Variants in KCNG1 observed in about 807,000 individuals in gnomAD.
KCNG1 encodes the protein voltage-gated potassium channel regulatory subunit KCNG1.
A neutral mutation model predicts 32.4 loss-of-function variants in KCNG1; 17 were observed. The observed-to-expected ratio is 0.52, with a 90% CI of 0.36 to 0.79. The LOEUF is 0.79. KCNG1 is among the 30% of genes least tolerant of loss of function. The pLI, the probability that KCNG1 is intolerant of heterozygous loss-of-function variation, is 0.00. For synonymous variants in KCNG1, 358 were observed against 339.9 expected (o/e 1.05, Z -0.59); for missense variants, 441 against 735.2 (o/e 0.60, Z 4.63).
At position 51,003,832 on chromosome 20, in the gene KCNG1, CT is replaced by C. The variant is rs1987709085; in HGVS notation, c.*206del. ...CTGATGACCCAGCTTCCTTTCACGGCTGCAGGCGGAGGGGCAGGGCCCCTCT... is the reference window on the plus strand; with the variant it reads ...CTGATGACCCAGCTTCCTTTCACGGCGCAGGCGGAGGGGCAGGGCCCCTCT... On this transcript the variant is annotated 3_prime_UTR_variant, in exon 3 of 3. Coordinates refer to ENST00000371571, the MANE Select transcript of KCNG1 (RefSeq NM_002237.4). The C allele has an allele frequency of 6.9e-6, 4 of 579,000 alleles. No homozygotes were observed. The highest frequency in any genetic ancestry group is 1.2e-5 in the Non-Finnish European group (4 of 332,366). 35.9% of individuals were successfully genotyped at this position (579,000 alleles called of 1,614,324 possible). A position where few individuals can be genotyped will look rare whatever the true frequency, so the allele number is the denominator to read the frequency against.
chr20:51,008,757 T>C (rs1987937858), intron 2 of KCNG1, among the ~76,000 whole-genome samples: 1 of 152,216 alleles, frequency 6.6e-6, no homozygotes, highest in Non-Finnish European at 1.5e-5. Flanking sequence ...CACATAGTCC[T>C]GTGGGGCTAT....
In KCNG1 at chr20:51,010,371, G is replaced by A; in HGVS notation, c.-26-7C>T. On this transcript the variant is annotated splice_region_variant and splice_polypyrimidine_tract_variant and intron_variant, in intron 1 of 2. Coordinates refer to ENST00000371571, the MANE Select transcript of KCNG1 (RefSeq NM_002237.4). Reference sequence around the variant, plus strand: ...CTTCACATCCCTCTCGGGCCTGTGGGGAGAAGGGAGGGAAGACCCTCAGTG... The same window carrying A: ...CTTCACATCCCTCTCGGGCCTGTGGAGAGAAGGGAGGGAAGACCCTCAGTG... 5 of 1,493,698 alleles carry A rather than the reference G, an allele frequency of 3.3e-6. No individual in the cohort carries two copies. Among genetic ancestry groups the A allele is most frequent in the Non-Finnish European group, 4.4e-6 (5 of 1,127,624 alleles). 92.5% of individuals were successfully genotyped at this position (1,493,698 alleles called of 1,614,324 possible).
chr20:51,014,677 CCTT>C (rs1367245483), intron 1 of KCNG1, among the ~76,000 whole-genome samples: 1 of 152,206 alleles, frequency 6.6e-6, no homozygotes, highest in Non-Finnish European at 1.5e-5. Flanking sequence ...ACGGAGGTGA[CCTT>C]CTGGTGGGGA....
At chr20:51,017,612 C>T (rs549715446) in intron 1 of KCNG1, among the ~76,000 whole-genome samples, 7 of 152,152 alleles carry the variant, frequency 4.6e-5, no homozygotes, top group Admixed American at 6.6e-5. Context: ...CTGAATTGCT[C>T]GGGGTGCTCG....
At position 51,015,633 on chromosome 20, in the gene KCNG1, G is replaced by A. The variant is rs1426885041; in HGVS notation, c.-26-5269C>T. On this transcript the variant is annotated intron_variant, in intron 1 of 2. Coordinates refer to ENST00000371571, the MANE Select transcript of KCNG1 (RefSeq NM_002237.4). This position sits in a 1 kb window ranked among gnomAD's most constrained non-coding sequence, Gnocchi z 4.4. ...ATCAGGCCAGAGTGGTCAGGGCAGG[G>A]CATATGGTAGGCAGAAAAATGTCCC... Among the ~76,000 whole-genome samples, 1 of 152,198 alleles carries A rather than the reference G, an allele frequency of 6.6e-6. No homozygotes were observed. The highest frequency in any genetic ancestry group is 1.5e-5 in the Non-Finnish European group (1 of 68,030).
chr20:51,004,919 G>T lies in KCNG1; in HGVS notation c.775-113C>A. 8.8e-7 allele frequency: 1 copy of T among 1,140,904 alleles called. No homozygotes were observed. Among genetic ancestry groups the T allele is most frequent in the Non-Finnish European group, 1.2e-6 (1 of 830,282 alleles). The allele number at this position is 1,140,904 out of a possible 1,614,324, so 70.7% of individuals were successfully genotyped here. ...TCCCAGGCGGAAGGTGACCTCTCCA[G>T]GTTGAGTGGCCCCGGGTCCTCTCCC... is the stretch of plus-strand genomic sequence containing the variant. On this transcript the variant is annotated intron_variant, in intron 2 of 2. Transcript: ENST00000371571. This position sits in a 1 kb window ranked among gnomAD's most constrained non-coding sequence, Gnocchi z 4.3.
chr20:51,017,272 T>C (rs1988313698), intron 1 of KCNG1, among the ~76,000 whole-genome samples: 2 of 152,156 alleles, frequency 1.3e-5, no homozygotes, highest in African/African-American at 4.8e-5. Flanking sequence ...TAGCAACACA[T>C]TTAGGTCTTA....
intron 1 of KCNG1, chr20:51,012,221 G>GCAAT: frequency 6.6e-6 from 1 of 152,370 alleles, no homozygotes; most frequent in East Asian, 1.9e-4. Context: ...CGTTTGCTCA[G>GCAAT]GGGTCAGCAA....
rs1233367211 is a variant in KCNG1 at position 51,005,905 on chromosome 20, T to C, written c.775-1099A>G. ...GTTAGAGGCTGGAGATATGAACTAATACCTGGTGGGGCTTTAAGGTCTTAG... is the reference window on the plus strand; with the variant it reads ...GTTAGAGGCTGGAGATATGAACTAACACCTGGTGGGGCTTTAAGGTCTTAG... On this transcript the variant is annotated intron_variant, in intron 2 of 2. Transcript: ENST00000371571. This position sits in a 1 kb window ranked among gnomAD's most constrained non-coding sequence, Gnocchi z 4.0. 2.0e-5 allele frequency: 3 copies of C among 152,244 alleles called. No individual in the cohort carries two copies. Among genetic ancestry groups the C allele is most frequent in the Non-Finnish European group, 4.4e-5 (3 of 68,056 alleles). 9.4% of individuals were successfully genotyped at this position (152,244 alleles called of 1,614,324 possible).
chr20:51,021,352 A>C (rs955063792), intron 1 of KCNG1, among the ~76,000 whole-genome samples: 27 of 152,196 alleles, frequency 1.8e-4, no homozygotes, highest in African/African-American at 6.5e-4. Context: ...GGGAGGCACA[A>C]ATAGAGCTCA....
intron 2 of KCNG1, among the ~76,000 whole-genome samples, chr20:51,008,643 A>ATTTT (rs10626097): frequency 6.6e-6 from 1 of 151,552 alleles, no homozygotes; most frequent in African/African-American, 2.4e-5. Flanking sequence ...TGATCTTATG[A>ATTTT]TTTTTTTTAA....
chr20:51,021,255 C>A (rs1988471248), intron 1 of KCNG1, among the ~76,000 whole-genome samples: 1 of 152,214 alleles, frequency 6.6e-6, no homozygotes, highest in Non-Finnish European at 1.5e-5. Flanking sequence ...GAGGGTGATC[C>A]CCAGGGGCCA....
At chr20:51,018,394 C>T (rs539463849) in intron 1 of KCNG1, among the ~76,000 whole-genome samples, 1 of 152,276 alleles carries the variant, frequency 6.6e-6, no homozygotes, top group African/African-American at 2.4e-5. Flanking sequence ...CCTCCTGTCC[C>T]CATGGCTACA....
Position 51,009,557 on chromosome 20 carries a change from G to T in KCNG1, c.774+8C>A. On this transcript the variant is annotated splice_region_variant and intron_variant, in intron 2 of 2. Transcript: ENST00000371571. ...TGGCGCGTTTCCCCGCGGGGCGTGG[G>T]CTCTTACCTGCTCCTCCTCCTCCCT... The T allele has an allele frequency of 1.3e-6, 2 of 1,591,592 alleles. No individual in the cohort carries two copies. Among genetic ancestry groups the T allele is most frequent in the South Asian group, 1.1e-5 (1 of 87,828 alleles).
intron 1 of KCNG1, among the ~76,000 whole-genome samples, chr20:51,018,959 G>A (rs1224194827): frequency 5.3e-5 from 8 of 152,160 alleles, no homozygotes; most frequent in African/African-American, 9.7e-5. Flanking sequence ...ATTTTGGAAT[G>A]TTTCTGAGGA....
intron 1 of KCNG1, among the ~76,000 whole-genome samples, chr20:51,020,779 G>A (rs982953712): frequency 6.6e-6 from 1 of 152,168 alleles, no homozygotes; most frequent in Non-Finnish European, 1.5e-5. Context: ...CAGGAGGTGA[G>A]TTCCTCGGAG....
At chr20:51,008,966 C>T (rs887250094) in intron 2 of KCNG1, among the ~76,000 whole-genome samples, 105 of 152,320 alleles carry the variant, frequency 6.9e-4, no homozygotes, top group African/African-American at 2.4e-3. Flanking sequence ...CGTGAACTCC[C>T]AGATGAGTGG....
Position 51,004,975 on chromosome 20 carries a change from T to A in KCNG1, c.775-169A>T. ...GTGCCCACTCCGAGGCCTGGGGCAC[T>A]AAGCACCATCTCTACACTGGCCGCT... On this transcript the variant is annotated intron_variant, in intron 2 of 2. Coordinates refer to ENST00000371571, the MANE Select transcript of KCNG1 (RefSeq NM_002237.4). This position sits in a 1 kb window ranked among gnomAD's most constrained non-coding sequence, Gnocchi z 4.3. The A allele has an allele frequency of 1.7e-6, 1 of 598,090 alleles. No individual in the cohort carries two copies. Among genetic ancestry groups the A allele is most frequent in the Non-Finnish European group, 2.8e-6 (1 of 356,148 alleles). 37.0% of individuals were successfully genotyped at this position (598,090 alleles called of 1,614,324 possible).
At position 51,010,232 on chromosome 20, in the gene KCNG1, T is replaced by A; in HGVS notation, c.107A>T (p.Lys36Met). 1 of 1,560,406 alleles carries A rather than the reference T, an allele frequency of 6.4e-7. No homozygotes were observed. Among genetic ancestry groups the A allele is most frequent in the Non-Finnish European group, 8.6e-7 (1 of 1,159,152 alleles). ...PAFLPQRQAI[K>M]GAFYRRAQRL... Reference sequence around the variant, plus strand: ...CTGCGCCCGGCGGTAGAACGCGCCCTTGATGGCCTGGCGCTGCGGGAGGAA... The same window carrying A: ...CTGCGCCCGGCGGTAGAACGCGCCCATGATGGCCTGGCGCTGCGGGAGGAA... The change falls in exon 2 of 3, where the codon AAG (lysine) becomes ATG (methionine). Residue 36 changes from lysine (K) to methionine (M), a missense_variant. By Grantham distance (95) the Lys-to-Met change is moderately conservative. Transcript: ENST00000371571.
Sources: gnomAD v4.1 joint callset for allele counts (sites outside exome capture counted in the v4.1 genomes callset) on GRCh38, gnomAD v4.1.1 for gene constraint, Gnocchi (gnomAD v3.1) non-coding constraint, MANE v1.5 for transcripts, NCBI Gene and HGNC (gene_info 2026-07-23, HGNC 2026-07-21) for gene names.